Variants in LPGAT1 observed in about 807,000 individuals in gnomAD.
The protein encoded by LPGAT1 is acyl-CoA:lysophosphatidylglycerol acyltransferase 1.
LPGAT1 carries 11 observed loss-of-function variants against 47.5 expected under a neutral mutation model. The ratio of observed to expected loss-of-function variants is 0.23; its 90% CI spans 0.15 to 0.38. The LOEUF is 0.38. LPGAT1 is among the 10% of genes least tolerant of loss of function. The probability of loss-of-function intolerance (pLI) is 1.00; values close to 1 mark genes in which losing one functional copy is unlikely to be tolerated. For synonymous variants in LPGAT1, 138 were observed against 144.2 expected (o/e 0.96, Z 0.31); for missense variants, 293 against 439.0 (o/e 0.67, Z 2.97).
intron 6 of LPGAT1, among the ~76,000 whole-genome samples, chr1:211,753,767 G>T (rs1657309633): frequency 6.6e-6 from 1 of 152,166 alleles, no homozygotes; most frequent in Non-Finnish European, 1.5e-5. Flanking sequence ...TCTTTCAAGA[G>T]TTCAGGTCCA....
At chr1:211,771,078 CAGAG>C (rs76761507) in intron 6 of LPGAT1, among the ~76,000 whole-genome samples, 2 of 144,524 alleles carry the variant, frequency 1.4e-5, no homozygotes, top group Admixed American at 1.4e-4. Flanking sequence ...GCCTGAGCAA[CAGAG>C]AGAGAGACAC....
intron 6 of LPGAT1, among the ~76,000 whole-genome samples, chr1:211,774,034 C>T (rs1321391524): frequency 3.3e-5 from 5 of 150,432 alleles, no homozygotes; most frequent in Non-Finnish European, 7.4e-5. Context: ...ATGGAGAATG[C>T]TATTTATAAA....
At chr1:211,789,253 G>A (rs1372827545) in intron 3 of LPGAT1, among the ~76,000 whole-genome samples, 1 of 152,084 alleles carries the variant, frequency 6.6e-6, no homozygotes, top group East Asian at 1.9e-4. Context: ...AACCTATAAA[G>A]CATTTTAGCT....
intron 6 of LPGAT1, among the ~76,000 whole-genome samples, chr1:211,762,197 G>A (rs1406735182): frequency 6.6e-6 from 1 of 152,100 alleles, no homozygotes; most frequent in African/African-American, 2.4e-5. Flanking sequence ...GGAGAAAATT[G>A]ACATTAAAAA....
chr1:211,767,676 G>C (rs1249718940), intron 6 of LPGAT1, among the ~76,000 whole-genome samples: 5 of 152,088 alleles, frequency 3.3e-5, no homozygotes, highest in Admixed American at 6.6e-5. Flanking sequence ...AAAAACAAGT[G>C]ATGATAAGAA....
chr1:211,745,597 C>A lies in LPGAT1; in HGVS notation c.*4302G>T, dbSNP rs890131350. 1 of 152,470 alleles carries A rather than the reference C, an allele frequency of 6.6e-6. No homozygotes were observed. Among genetic ancestry groups the A allele is most frequent in the African/African-American group, 2.4e-5 (1 of 41,450 alleles). 9.4% of individuals were successfully genotyped at this position (152,470 alleles called of 1,614,324 possible). A position where few individuals can be genotyped will look rare whatever the true frequency, so the allele number is the denominator to read the frequency against. Reference sequence around the variant, plus strand: ...TAAAAACCCTCAGATGGAAATTTTGCAGAAAAACCCATATTTTATCTTCCA... The same window carrying A: ...TAAAAACCCTCAGATGGAAATTTTGAAGAAAAACCCATATTTTATCTTCCA... On this transcript the variant is annotated 3_prime_UTR_variant, in exon 8 of 8. Coordinates refer to ENST00000366997, the MANE Select transcript of LPGAT1 (RefSeq NM_014873.3).
At chr1:211,767,933 C>T (rs1274008994) in intron 6 of LPGAT1, among the ~76,000 whole-genome samples, 1 of 152,050 alleles carries the variant, frequency 6.6e-6, no homozygotes, top group Non-Finnish European at 1.5e-5. Flanking sequence ...TTACTGTACC[C>T]GAGGGTGTAT....
At chr1:211,758,547 C>CA (rs553755200) in intron 6 of LPGAT1, among the ~76,000 whole-genome samples, 131 of 151,926 alleles carry the variant, frequency 8.6e-4, no homozygotes, top group Non-Finnish European at 1.7e-3. Flanking sequence ...ACTAAAAATA[C>CA]AAAAAATAAA....
At chr1:211,801,940 T>C (rs1459073766) in intron 2 of LPGAT1, among the ~76,000 whole-genome samples, 1 of 151,304 alleles carries the variant, frequency 6.6e-6, no homozygotes, top group Non-Finnish European at 1.5e-5. Context: ...TTTTTTAAAT[T>C]AGCCAGGCAT....
At chr1:211,770,606 T>C (rs1658124544) in intron 6 of LPGAT1, among the ~76,000 whole-genome samples, 2 of 152,224 alleles carry the variant, frequency 1.3e-5, no homozygotes, top group South Asian at 2.1e-4. Flanking sequence ...AGTGATGTCA[T>C]AGTCATTGTA....
chr1:211,771,163 CAAAT>C (rs1658154009), intron 6 of LPGAT1, among the ~76,000 whole-genome samples: 1 of 151,236 alleles, frequency 6.6e-6, no homozygotes, highest in African/African-American at 2.4e-5. Context: ...TTTAGATACA[CAAAT>C]ACTTACCATT....
At chr1:211,818,419 T>G (rs907138222) in intron 2 of LPGAT1, among the ~76,000 whole-genome samples, 27 of 152,130 alleles carry the variant, frequency 1.8e-4, no homozygotes. Context: ...CATGGCCAGA[T>G]CTCTAATTTC....
intron 2 of LPGAT1, among the ~76,000 whole-genome samples, chr1:211,824,657 C>T (rs554209576): frequency 6.6e-6 from 1 of 152,274 alleles, no homozygotes; most frequent in Non-Finnish European, 1.5e-5. Context: ...AAAATACATT[C>T]TGAAGCACCA....
chr1:211,789,802 C>T (rs891140485), intron 3 of LPGAT1, among the ~76,000 whole-genome samples: 1 of 147,654 alleles, frequency 6.8e-6, no homozygotes, highest in Non-Finnish European at 1.5e-5. Flanking sequence ...ACCCAGGAGG[C>T]GGAGGTTGCA....
chr1:211,768,637 C>T (rs747158675), intron 6 of LPGAT1, among the ~76,000 whole-genome samples: 1 of 152,212 alleles, frequency 6.6e-6, no homozygotes, highest in South Asian at 2.1e-4. Context: ...ACACATATCT[C>T]TATCGTGTGG....
intron 2 of LPGAT1, among the ~76,000 whole-genome samples, chr1:211,813,155 A>G (rs1167959935): frequency 6.6e-6 from 1 of 152,248 alleles, no homozygotes; most frequent in Non-Finnish European, 1.5e-5. Flanking sequence ...AAGGTCTCAT[A>G]GCTACTAAAT....
intron 2 of LPGAT1, among the ~76,000 whole-genome samples, chr1:211,818,162 A>G: frequency 6.6e-6 from 1 of 152,200 alleles, no homozygotes. Flanking sequence ...GGCAGGGTTC[A>G]TTAGTCTTAG....
intron 2 of LPGAT1, among the ~76,000 whole-genome samples, chr1:211,815,757 C>G (rs1286144720): frequency 6.7e-6 from 1 of 149,192 alleles, no homozygotes; most frequent in Non-Finnish European, 1.5e-5. Context: ...GTTCCTCAAA[C>G]ATGACAAATG....
intron 6 of LPGAT1, among the ~76,000 whole-genome samples, chr1:211,755,199 G>A (rs1044398078): frequency 6.6e-6 from 1 of 151,962 alleles, no homozygotes; most frequent in African/African-American, 2.4e-5. Context: ...TTAGCCAGGT[G>A]TGGCAGCATG....
Sources: gnomAD v4.1 joint callset for allele counts (sites outside exome capture counted in the v4.1 genomes callset) on GRCh38, gnomAD v4.1.1 for gene constraint, MANE v1.5 for transcripts, NCBI Gene and HGNC (gene_info 2026-07-23, HGNC 2026-07-21) for gene names.